TMEM132D: variants seen among roughly 807,000 people sequenced by gnomAD.
The protein encoded by TMEM132D is transmembrane protein 132D.
TMEM132D carries 21 observed loss-of-function variants against 62.3 expected under a neutral mutation model. That is an observed-to-expected ratio of 0.34 (90% CI 0.24 to 0.49). The LOEUF is 0.49. Ranked by LOEUF, TMEM132D falls within the 20% of genes least tolerant of loss-of-function variation. The pLI is 0.99. For synonymous variants in TMEM132D, 621 were observed against 575.6 expected (o/e 1.08, Z -1.13); for missense variants, 1,346 against 1,402.8 (o/e 0.96, Z 0.65).
intron 3 of TMEM132D, among the ~76,000 whole-genome samples, chr12:129,515,702 G>A (rs548131756): frequency 5.7e-4 from 86 of 152,192 alleles, no homozygotes; most frequent in South Asian, 1.2e-3. Context: ...AAGGCCAGGG[G>A]GAATCTAAAC....
chr12:129,339,393 A>AGAGGTCAGCCTTCCACTTAAGCAGCC (rs72413908), intron 3 of TMEM132D, among the ~76,000 whole-genome samples: 2 of 151,764 alleles, frequency 1.3e-5, no homozygotes, highest in African/African-American at 2.4e-5. Context: ...AAGAACCCCA[A>AGAGGTCAGCCTTCCACTTAAGCAGCC]ATCTCTTCCA....
chr12:129,771,445 T>C (rs1455236957), intron 1 of TMEM132D, among the ~76,000 whole-genome samples: 2 of 152,228 alleles, frequency 1.3e-5, no homozygotes, highest in African/African-American at 4.8e-5. Context: ...AAGCATCCGC[T>C]ACTATCATTA....
chr12:129,461,535 A>G (rs1008525622), intron 3 of TMEM132D, among the ~76,000 whole-genome samples: 1 of 152,164 alleles, frequency 6.6e-6, no homozygotes, highest in Non-Finnish European at 1.5e-5. Flanking sequence ...TATCACATGA[A>G]TAGACTGATC....
rs1446929253 is a variant in TMEM132D, at chr12:129,779,537, C to T, written c.80-78839G>A. Among the ~76,000 whole-genome samples the T allele has an allele frequency of 1.3e-5, 2 of 152,218 alleles. No individual in the cohort carries two copies. The highest frequency in any genetic ancestry group is 2.9e-5 in the Non-Finnish European group (2 of 68,032). On this transcript the variant is annotated intron_variant, in intron 1 of 8. Transcript: ENST00000422113. This position sits in a 1 kb window ranked among gnomAD's most constrained non-coding sequence, Gnocchi z 4.1. The stretch of plus-strand genomic sequence containing the variant: ...GACTCAAACCACCTGCCTGCCTCAG[C>T]CTCCCAAAGTGTTGGGATTACAGGT...
At chr12:129,747,159 C>T (rs1031109451) in intron 1 of TMEM132D, among the ~76,000 whole-genome samples, 6 of 152,248 alleles carry the variant, frequency 3.9e-5, no homozygotes, top group African/African-American at 9.6e-5. Context: ...ATCCGGTTCC[C>T]GTCGCTTGTC....
At chr12:129,703,094 C>G (rs144916811) in intron 1 of TMEM132D, among the ~76,000 whole-genome samples, 2 of 152,318 alleles carry the variant, frequency 1.3e-5, no homozygotes, top group African/African-American at 4.8e-5. Context: ...CTTGAGCTGC[C>G]TCAGCACTCT....
rs1483625621 is a variant in TMEM132D, at chr12:129,903,426, G to A, written c.-87C>T. 4 of 1,417,962 alleles carry A rather than the reference G, an allele frequency of 2.8e-6. No homozygotes were observed. The highest frequency in any genetic ancestry group is 3.9e-6 in the Non-Finnish European group (4 of 1,034,044). 87.8% of individuals were successfully genotyped at this position (1,417,962 alleles called of 1,614,324 possible). A position where few individuals can be genotyped will look rare whatever the true frequency, so the allele number is the denominator to read the frequency against. Reference sequence around the variant, plus strand: ...TCTCAGTCCCCTAGAGGCCCGCAGCGGGGCCGGTGGCGAGGGAGCGCCCGG... The same window carrying A: ...TCTCAGTCCCCTAGAGGCCCGCAGCAGGGCCGGTGGCGAGGGAGCGCCCGG... On this transcript the variant is annotated 5_prime_UTR_variant, in exon 1 of 9. Transcript: ENST00000422113. This position sits in a 1 kb window ranked among gnomAD's most constrained non-coding sequence, Gnocchi z 6.2.
At chr12:129,654,800 A>G (rs1447705993) in intron 2 of TMEM132D, among the ~76,000 whole-genome samples, 1 of 152,242 alleles carries the variant, frequency 6.6e-6, no homozygotes, top group Non-Finnish European at 1.5e-5. Flanking sequence ...TTTGACACCT[A>G]GAAAAATTGT....
At chr12:129,830,323 T>C (rs1872791280) in intron 1 of TMEM132D, among the ~76,000 whole-genome samples, 1 of 151,834 alleles carries the variant, frequency 6.6e-6, no homozygotes, top group South Asian at 2.1e-4. Context: ...GAAAGGAAAA[T>C]ATCTTGGGCC....
intron 4 of TMEM132D, among the ~76,000 whole-genome samples, chr12:129,225,785 A>G (rs764500127): frequency 2.8e-4 from 42 of 152,346 alleles, no homozygotes; most frequent in Middle Eastern, 6.8e-3. Flanking sequence ...GGAAGAAGAC[A>G]TAACCTGCCG....
At chr12:129,166,825 C>T (rs904846667) in intron 5 of TMEM132D, among the ~76,000 whole-genome samples, 13 of 150,756 alleles carry the variant, frequency 8.6e-5, no homozygotes, top group African/African-American at 2.7e-4. Context: ...GTTGTCAACT[C>T]GGAAGACACA....
At chr12:129,606,418 C>T (rs1219819942) in intron 2 of TMEM132D, among the ~76,000 whole-genome samples, 1 of 152,092 alleles carries the variant, frequency 6.6e-6, no homozygotes, top group African/African-American at 2.4e-5. Flanking sequence ...GCCGCAGCCC[C>T]GGAGCCACAC....
intron 1 of TMEM132D, among the ~76,000 whole-genome samples, chr12:129,755,610 A>G (rs1366049738): frequency 6.6e-6 from 1 of 152,158 alleles, no homozygotes; most frequent in Non-Finnish European, 1.5e-5. Flanking sequence ...TTATCTTTTT[A>G]TGCCCCTTTT....
At position 129,244,209 on chromosome 12, in the gene TMEM132D, C is replaced by A. The variant is rs934393370; in HGVS notation, c.1300-34546G>T. Among the ~76,000 whole-genome samples the A allele has an allele frequency of 2.5e-4, 35 of 142,078 alleles. No individual in the cohort carries two copies. In the Admixed American group the frequency reaches 2.5e-3, roughly 10 times the overall value. The allele number at this position is 142,078 out of a possible 152,430, so 93.2% of individuals were successfully genotyped here. A position where few individuals can be genotyped will look rare whatever the true frequency, so the allele number is the denominator to read the frequency against. On this transcript the variant is annotated intron_variant, in intron 4 of 8. Coordinates refer to ENST00000422113, the MANE Select transcript of TMEM132D (RefSeq NM_133448.3). ...GACCATCCTGGCTAACGCGGTGAAA[C>A]CCCGTCTCTACTAAAAATACAAAAA...
chr12:129,363,604 T>C (rs1870318728), intron 3 of TMEM132D, among the ~76,000 whole-genome samples: 1 of 152,228 alleles, frequency 6.6e-6, no homozygotes, highest in Non-Finnish European at 1.5e-5. Flanking sequence ...TGATTCCTCA[T>C]ATGAAAGAGA....
At chr12:129,866,666 T>C (rs1297023846) in intron 1 of TMEM132D, among the ~76,000 whole-genome samples, 1 of 151,628 alleles carries the variant, frequency 6.6e-6, no homozygotes, top group South Asian at 2.1e-4. Flanking sequence ...TGGCACACTG[T>C]GGGTGGGAAT....
rs147098583 is a variant in TMEM132D at position 129,282,065 on chromosome 12, C to A, written c.1299+55569G>T. On this transcript the variant is annotated intron_variant, in intron 4 of 8. Coordinates refer to ENST00000422113, the MANE Select transcript of TMEM132D (RefSeq NM_133448.3). ...CCTAAGAATACTCCCTCCATCAATC[C>A]CTTCCACAAGAAACCTCATCCCAGC... is the stretch of plus-strand genomic sequence containing the variant. 2.9e-3 allele frequency among the ~76,000 whole-genome samples: 440 copies of A among 152,242 alleles called. 3 individuals are homozygous for A. Among genetic ancestry groups the A allele is most frequent in the African/African-American group, 1.0e-2 (415 of 41,534 alleles).
In TMEM132D at chr12:129,490,732, C is replaced by T. The variant is rs573478721; in HGVS notation, c.1115+40327G>A. Among the ~76,000 whole-genome samples the T allele has an allele frequency of 9.3e-5, 14 of 150,056 alleles. No homozygotes were observed. The South Asian group carries it at 1.5e-3, about 16-fold the overall frequency. ...CCTCCCAAAGTGCTGGGATTACAGG[C>T]GTGAGCCACGGCGCCCGGCCCATAA... On this transcript the variant is annotated intron_variant, in intron 3 of 8. Coordinates refer to ENST00000422113, the MANE Select transcript of TMEM132D (RefSeq NM_133448.3).
chr12:129,566,605 A>G (rs1437743429), intron 2 of TMEM132D, among the ~76,000 whole-genome samples: 1 of 152,124 alleles, frequency 6.6e-6, no homozygotes, highest in Admixed American at 6.6e-5. Flanking sequence ...TATTTTACCC[A>G]CTAATATATT....
Sources: allele counts gnomAD v4.1 joint callset (sites outside exome capture counted in the v4.1 genomes callset), GRCh38; gene constraint gnomAD v4.1.1; non-coding constraint Gnocchi (gnomAD v3.1); transcripts MANE v1.5; gene names NCBI Gene and HGNC (gene_info 2026-07-23, HGNC 2026-07-21).